ARFGEF3: variants seen among roughly 807,000 people sequenced by gnomAD.
ARFGEF3 encodes the protein brefeldin A-inhibited guanine nucleotide-exchange protein 3.
A neutral mutation model predicts 221.7 loss-of-function variants in ARFGEF3; 96 were observed. The ratio of observed to expected loss-of-function variants is 0.43; its 90% CI spans 0.37 to 0.51. ARFGEF3 has a LOEUF of 0.51. Ranked by LOEUF, ARFGEF3 falls within the 20% of genes least tolerant of loss-of-function variation. The pLI is 0.00. For synonymous variants in ARFGEF3, 1,145 were observed against 1,126.8 expected, an observed-to-expected ratio of 1.02 and a Z score of -0.32; for missense variants, 2,410 against 2,789.9, an observed-to-expected ratio of 0.86 and a Z score of 3.07.
At chr6:138,279,916 C>T (rs1019367916) in intron 13 of ARFGEF3, 83 bp from the exon 14 acceptor site, 106 of 1,371,474 alleles carry the variant, frequency 7.7e-5, no homozygotes, top group Non-Finnish European at 9.3e-5. Flanking sequence ...GGCTCTGTGA[C>T]GTGAAGAGGC....
chr6:138,196,261 T>C (rs1777417227), intron 2 of ARFGEF3, among the ~76,000 whole-genome samples: 1 of 152,184 alleles, frequency 6.6e-6, no homozygotes. Context: ...CTAAGAAATA[T>C]GTCATTAGGC....
chr6:138,216,674 C>T (rs1156812610), intron 4 of ARFGEF3: 2 of 152,160 alleles, frequency 1.3e-5, no homozygotes, highest in East Asian at 3.8e-4. Context: ...ATTTGTCTTG[C>T]TGCTTATAAC....
At chr6:138,331,106 C>T (rs1780219374) in intron 32 of ARFGEF3, among the ~76,000 whole-genome samples, 1 of 152,160 alleles carries the variant, frequency 6.6e-6, no homozygotes, top group African/African-American at 2.4e-5. Context: ...TAATAGGCTG[C>T]ATTCAAGTTA....
chr6:138,334,813 C>T lies in ARFGEF3; in HGVS notation c.5967C>T (p.Pro1989=), dbSNP rs139083601. Residue 1989 remains proline (P), a synonymous_variant, in exon 33 of 34, where the codon CCC becomes CCT. Coordinates refer to ENST00000251691, the MANE Select transcript of ARFGEF3 (RefSeq NM_020340.5). The surrounding 1 kb of genome is among the most constrained non-coding windows in gnomAD (Gnocchi z 5.1). ...CCGGTGGTGGGGACCTGCTGCTGCC[C>T]CCCAGCCCCAAAGTGGAGAAGAAGG... ...LKAGGGDLLL[P]PSPKVEKKDP... 6 of 1,602,068 alleles carry T rather than the reference C, an allele frequency of 3.7e-6. No homozygotes were observed. In the African/African-American group the frequency reaches 4.0e-5, roughly 11 times the overall value.
chr6:138,289,879 C>T lies in ARFGEF3; in HGVS notation c.2958C>T (p.His986=). The change falls in exon 18 of 34, where the codon CAC becomes CAT. Residue 986 remains histidine, a synonymous_variant. Coordinates refer to ENST00000251691, the MANE Select transcript of ARFGEF3 (RefSeq NM_020340.5). ...QIGKVQGVWL[H]TAHVLCMEAI... ...GGAAGGTGCAGGGGGTGTGGCTGCACACTGCCCACGTCTTGTGCATGGAGG... is the reference window on the plus strand; with the variant it reads ...GGAAGGTGCAGGGGGTGTGGCTGCATACTGCCCACGTCTTGTGCATGGAGG... The T allele has an allele frequency of 6.2e-7, 1 of 1,613,970 alleles. No homozygotes were observed. The highest frequency in any genetic ancestry group is 1.3e-5 in the African/African-American group (1 of 75,058).
intron 29 of ARFGEF3, among the ~76,000 whole-genome samples, chr6:138,323,276 A>C (rs1345104308): frequency 6.6e-6 from 1 of 152,194 alleles, no homozygotes; most frequent in Non-Finnish European, 1.5e-5. Flanking sequence ...CCTGTGCATG[A>C]GCCCATATGG....
chr6:138,268,147 C>T (rs1254908945), intron 12 of ARFGEF3, among the ~76,000 whole-genome samples: 12 of 152,100 alleles, frequency 7.9e-5, no homozygotes, highest in African/African-American at 2.7e-4. Context: ...TCCTCTTGCC[C>T]CCTTGCAAGT....
At chr6:138,312,867 A>G (rs1182588421) in intron 25 of ARFGEF3, among the ~76,000 whole-genome samples, 2 of 151,936 alleles carry the variant, frequency 1.3e-5, no homozygotes, top group African/African-American at 4.8e-5. Flanking sequence ...GCGCCACCAC[A>G]CCCAGCTAAT....
At chr6:138,289,781 T>G in intron 17 of ARFGEF3, 37 bp from the exon 18 acceptor site, 1 of 1,595,760 alleles carries the variant, frequency 6.3e-7, no homozygotes, top group African/African-American at 1.3e-5. Context: ...TCTCCCTTAC[T>G]CAACCTGTTA....
chr6:138,240,095 T>G (rs1409598025), intron 6 of ARFGEF3, among the ~76,000 whole-genome samples: 9 of 152,214 alleles, frequency 5.9e-5, no homozygotes, highest in Non-Finnish European at 8.8e-5. Flanking sequence ...TTGTTTTAAC[T>G]TGAGATATTT....
intron 12 of ARFGEF3, among the ~76,000 whole-genome samples, chr6:138,264,637 A>T (rs1036712968): frequency 6.6e-6 from 1 of 152,208 alleles, no homozygotes; most frequent in Non-Finnish European, 1.5e-5. Flanking sequence ...GTGTTAATGC[A>T]TCCACCATCC....
At chr6:138,190,179 G>A (rs1777273230) in intron 2 of ARFGEF3, among the ~76,000 whole-genome samples, 2 of 144,014 alleles carry the variant, frequency 1.4e-5, no homozygotes, top group South Asian at 2.3e-4. Context: ...TCGCAAGGAT[G>A]TTTGTTGCTA....
At chr6:138,171,864 A>G (rs950883343) in intron 2 of ARFGEF3, among the ~76,000 whole-genome samples, 1 of 152,196 alleles carries the variant, frequency 6.6e-6, no homozygotes, top group Non-Finnish European at 1.5e-5. Flanking sequence ...TGGCTGTAGC[A>G]TAATTCATTT....
At position 138,280,129 on chromosome 6, in the gene ARFGEF3, A is replaced by G. The variant is rs1011903195; in HGVS notation, c.2426A>G (p.Glu809Gly). ...LGEAGYWGSP[E>G]DNSLPLITML... is the part of the protein sequence containing the mutation. Reference sequence around the variant, plus strand: ...GAGGCTGGCTATTGGGGCAGCCCAGAAGATAACAGCCTTCCCCTCATCACA... The same window carrying G: ...GAGGCTGGCTATTGGGGCAGCCCAGGAGATAACAGCCTTCCCCTCATCACA... The change falls in exon 14 of 34, where the codon GAA becomes GGA. Residue 809 changes from glutamate (E) to glycine (G), a missense_variant. Glu to Gly is a moderately conservative substitution (Grantham distance 98, BLOSUM62 -2). Around this residue, in one of 5 missense-constraint regions of ARFGEF3, gnomAD observed 594 missense variants for 734.3 expected, o/e 0.81. Transcript: ENST00000251691. The G allele has an allele frequency of 1.2e-6, 2 of 1,613,724 alleles. No homozygotes were observed. Among genetic ancestry groups the G allele is most frequent in the African/African-American group, 2.7e-5 (2 of 74,940 alleles).
At chr6:138,263,727 T>C (rs1778834661) in intron 12 of ARFGEF3, 116 bp downstream of exon 12, 1 of 1,015,890 alleles carries the variant, frequency 9.8e-7, no homozygotes, top group Non-Finnish European at 1.4e-6. Context: ...TAATGTATCT[T>C]TGGGTTTCCC....
In ARFGEF3 at chr6:138,243,004, T is replaced by G; in HGVS notation, c.586+10T>G. The G allele has an allele frequency of 6.2e-7, 1 of 1,609,838 alleles. No homozygotes were observed. Among genetic ancestry groups the G allele is most frequent in the Non-Finnish European group, 8.5e-7 (1 of 1,177,058 alleles). On this transcript the variant is annotated intron_variant, in intron 7 of 33. Transcript: ENST00000251691. ...GATTTCGGGAATCAAGGTATGGCATTTGATTTGTACTAGTTCAGTTTTTAA... is the reference window on the plus strand; with the variant it reads ...GATTTCGGGAATCAAGGTATGGCATGTGATTTGTACTAGTTCAGTTTTTAA...
At chr6:138,298,510 C>T (rs1213447488) in intron 21 of ARFGEF3, 96 bp from the exon 22 acceptor site, 4 of 896,930 alleles carry the variant, frequency 4.5e-6, no homozygotes, top group Non-Finnish European at 6.7e-6. Flanking sequence ...TTGCTGCTTC[C>T]ACCTCCTTGT....
chr6:138,269,023 T>C (rs1778946419), intron 12 of ARFGEF3, among the ~76,000 whole-genome samples: 1 of 152,214 alleles, frequency 6.6e-6, no homozygotes, highest in Admixed American at 6.5e-5. Flanking sequence ...AGCTGGAGCT[T>C]GTGTGGTATC....
In ARFGEF3 at chr6:138,291,232, C is replaced by T. The variant is rs573212739; in HGVS notation, c.3048-501C>T. 3.3e-5 allele frequency among the ~76,000 whole-genome samples: 5 copies of T among 152,296 alleles called. No individual in the cohort carries two copies. Among genetic ancestry groups the T allele is most frequent in the East Asian group, 1.9e-4 (1 of 5,170 alleles). On this transcript the variant is annotated intron_variant, in intron 18 of 33. Coordinates refer to ENST00000251691, the MANE Select transcript of ARFGEF3 (RefSeq NM_020340.5). This position sits in a 1 kb window ranked among gnomAD's most constrained non-coding sequence, Gnocchi z 4.5. Reference sequence around the variant, plus strand: ...CCCCACCCAGACTTGAGTTATGTGGCGCCGTCGGGACCAGGCAGGACGTGG... The same window carrying T: ...CCCCACCCAGACTTGAGTTATGTGGTGCCGTCGGGACCAGGCAGGACGTGG...
Sources: gnomAD v4.1 joint callset for allele counts (sites outside exome capture counted in the v4.1 genomes callset) on GRCh38, gnomAD v4.1.1 for gene constraint, gnomAD v4.1.1 regional missense constraint, Gnocchi (gnomAD v3.1) non-coding constraint, MANE v1.5 for transcripts, NCBI Gene and HGNC (gene_info 2026-07-23, HGNC 2026-07-21) for gene names.